Variants in KLHL2 observed in about 807,000 individuals in gnomAD.
KLHL2 encodes kelch like family member 2.
In KLHL2, 15 loss-of-function variants were observed where a neutral mutation model predicts 75.8. The ratio of observed to expected loss-of-function variants is 0.20; its 90% CI spans 0.13 to 0.30. The LOEUF (loss-of-function observed/expected upper bound fraction) is 0.30, where lower values mean the gene tolerates loss of function less well. Among genes scored for constraint, KLHL2 ranks in the 10% least tolerant of loss-of-function variants. The pLI is 1.00. For missense variants in KLHL2, 381 were observed against 741.0 expected (o/e 0.51, Z 5.64); for synonymous variants, 214 against 251.9 (o/e 0.85, Z 1.42).
At chr4:165,285,798 G>A (rs1744046373) in intron 5 of KLHL2, among the ~76,000 whole-genome samples, 1 of 151,968 alleles carries the variant, frequency 6.6e-6, no homozygotes, top group East Asian at 1.9e-4. Context: ...TAGAGGGAGG[G>A]AGGCAAAAAT....
intron 5 of KLHL2, among the ~76,000 whole-genome samples, chr4:165,264,739 T>TAC (rs1560784094): frequency 6.6e-5 from 4 of 60,594 alleles, no homozygotes; most frequent in Non-Finnish European, 1.3e-4. Flanking sequence ...TATATATATA[T>TAC]GTATATATAT....
At chr4:165,223,622 G>A (rs559185515) in intron 2 of KLHL2, among the ~76,000 whole-genome samples, 6 of 152,282 alleles carry the variant, frequency 3.9e-5, no homozygotes, top group East Asian at 1.9e-4. Context: ...TGATGAATTC[G>A]GACTTAATCC....
chr4:165,243,580 A>C (rs956629602), intron 4 of KLHL2, among the ~76,000 whole-genome samples: 1 of 152,264 alleles, frequency 6.6e-6, no homozygotes, highest in Non-Finnish European at 1.5e-5. Flanking sequence ...AATTTAAATG[A>C]GAGTTTTTCA....
intron 5 of KLHL2, among the ~76,000 whole-genome samples, chr4:165,284,620 C>T (rs1743947725): frequency 6.6e-6 from 1 of 152,198 alleles, no homozygotes; most frequent in Admixed American, 6.5e-5. Flanking sequence ...TTTCTGTCAT[C>T]TTCTTCTGAG....
chr4:165,261,899 T>C (rs548751495), intron 4 of KLHL2, among the ~76,000 whole-genome samples: 1 of 152,328 alleles, frequency 6.6e-6, no homozygotes, highest in East Asian at 1.9e-4. Flanking sequence ...GAAAGTCAAT[T>C]TCTGAAGGAA....
intron 5 of KLHL2, among the ~76,000 whole-genome samples, chr4:165,294,137 T>C (rs917414088): frequency 6.6e-6 from 1 of 152,234 alleles, no homozygotes; most frequent in African/African-American, 2.4e-5. Flanking sequence ...GCTTCCCTCC[T>C]TGCACTGCTA....
intron 5 of KLHL2, among the ~76,000 whole-genome samples, chr4:165,269,470 T>C (rs1412525628): frequency 6.6e-6 from 1 of 152,108 alleles, no homozygotes; most frequent in Non-Finnish European, 1.5e-5. Flanking sequence ...TTTCCATGTT[T>C]AGTGCTTCCT....
chr4:165,217,738 A>C (rs538398847), intron 1 of KLHL2, among the ~76,000 whole-genome samples: 2 of 152,300 alleles, frequency 1.3e-5, no homozygotes, highest in East Asian at 3.9e-4. Flanking sequence ...GGCTTCGTGT[A>C]CCATCCATGT....
chr4:165,316,265 A>G (rs1400132614), intron 13 of KLHL2, among the ~76,000 whole-genome samples: 1 of 152,190 alleles, frequency 6.6e-6, no homozygotes, highest in African/African-American at 2.4e-5. Flanking sequence ...ACTCTTTAGA[A>G]CAATATAGTC....
chr4:165,314,234 A>G (rs1467942988), intron 13 of KLHL2, 68 bp downstream of exon 13: 29 of 1,292,988 alleles, frequency 2.2e-5, no homozygotes, highest in Admixed American at 1.7e-4. Flanking sequence ...GTATCACTCT[A>G]TCAATGAATA....
chr4:165,209,816 A>G, intron 1 of KLHL2: 2 of 268,294 alleles, frequency 7.5e-6, no homozygotes, highest in Non-Finnish European at 1.4e-5. Flanking sequence ...TTTTATTTTC[A>G]TTTGGTTCTG....
At chr4:165,279,590 C>T (rs759645731) in intron 5 of KLHL2, 3 of 1,607,138 alleles carry the variant, frequency 1.9e-6, no homozygotes, top group South Asian at 1.1e-5. Context: ...GGAACTGGTG[C>T]CTTGGTCCAC....
At chr4:165,260,559 C>T (rs1456316925) in intron 4 of KLHL2, among the ~76,000 whole-genome samples, 2 of 150,634 alleles carry the variant, frequency 1.3e-5, no homozygotes, top group Admixed American at 1.3e-4. Context: ...CTGCTACACA[C>T]ACATATATGT....
At chr4:165,217,736 G>A (rs1339645338) in intron 1 of KLHL2, among the ~76,000 whole-genome samples, 3 of 152,128 alleles carry the variant, frequency 2.0e-5, no homozygotes, top group African/African-American at 4.8e-5. Context: ...ATGGCTTCGT[G>A]TACCATCCAT....
chr4:165,238,541 G>A (rs1411803940), intron 3 of KLHL2, among the ~76,000 whole-genome samples: 4 of 152,170 alleles, frequency 2.6e-5, no homozygotes, highest in South Asian at 2.1e-4. Context: ...CATATGGCAC[G>A]TTCATTGTTG....
chr4:165,301,060 T>G (rs551204926), intron 8 of KLHL2, among the ~76,000 whole-genome samples: 1 of 152,322 alleles, frequency 6.6e-6, no homozygotes, highest in East Asian at 1.9e-4. Context: ...ATATTTTAAT[T>G]TAGAATTGAT....
chr4:165,305,845 G>T, intron 9 of KLHL2, 120 bp downstream of exon 9: 1 of 707,490 alleles, frequency 1.4e-6, no homozygotes. Context: ...AAATAGCTAT[G>T]TAGTTAAACA....
At position 165,297,744 on chromosome 4, in the gene KLHL2, C is replaced by T. The variant is rs1276243561; in HGVS notation, c.771+19C>T. On this transcript the variant is annotated intron_variant, in intron 7 of 14. Transcript: ENST00000226725. ...AGTTCAGGTAAATGCATATGCAAAACATATGAATCCACACAGCACTGTGTC... is the reference window on the plus strand; with the variant it reads ...AGTTCAGGTAAATGCATATGCAAAATATATGAATCCACACAGCACTGTGTC... The T allele has an allele frequency of 1.5e-6, 2 of 1,378,338 alleles. No homozygotes were observed. Among genetic ancestry groups the T allele is most frequent in the East Asian group, 4.6e-5 (2 of 43,788 alleles). The allele number at this position is 1,378,338 out of a possible 1,614,324, so 85.4% of individuals were successfully genotyped here.
At chr4:165,315,082 A>G (rs966994163) in intron 13 of KLHL2, among the ~76,000 whole-genome samples, 4 of 152,134 alleles carry the variant, frequency 2.6e-5, no homozygotes, top group Non-Finnish European at 4.4e-5. Flanking sequence ...GTATATGGTA[A>G]TCAGTTCGTT....
Sources: allele counts gnomAD v4.1 joint callset (sites outside exome capture counted in the v4.1 genomes callset), GRCh38; gene constraint gnomAD v4.1.1; transcripts MANE v1.5; gene names NCBI Gene and HGNC (gene_info 2026-07-23, HGNC 2026-07-21).